The following SIKE1 variants were observed in gnomAD, a reference collection of about 807,000 sequenced individuals.
SIKE1 encodes the protein suppressor of IKBKE 1.
SIKE1 carries 13 observed loss-of-function variants against 25.8 expected under a neutral mutation model. The observed-to-expected ratio is 0.50, with a 90% CI of 0.33 to 0.80. The LOEUF (loss-of-function observed/expected upper bound fraction) is 0.80, where lower values mean the gene tolerates loss of function less well. Ranked by LOEUF, SIKE1 falls within the 30% of genes least tolerant of loss-of-function variation. SIKE1 has a pLI of 0.02. For missense variants in SIKE1, 222 were observed against 252.4 expected, an observed-to-expected ratio of 0.88 and a Z score of 0.82; for synonymous variants, 86 against 95.5, an observed-to-expected ratio of 0.90 and a Z score of 0.58.
Position 114,770,290 on chromosome 1 carries a change from G to C in SIKE1, c.*3981C>G, listed in dbSNP as rs1662031970. On this transcript the variant is annotated 3_prime_UTR_variant, in exon 5 of 5. Transcript: ENST00000060969. The stretch of plus-strand genomic sequence containing the variant: ...TGGGCACTTGTAATCCCAGCGACTT[G>C]GGAGGCTGAGGCAGGAGAATCGCTT... 6.6e-6 allele frequency: 1 copy of C among 152,640 alleles called. No homozygotes were observed. Among genetic ancestry groups the C allele is most frequent in the Admixed American group, 6.5e-5 (1 of 15,284 alleles). 9.5% of individuals were successfully genotyped at this position (152,640 alleles called of 1,614,324 possible).
chr1:114,776,930 G>C (rs1205954842), intron 3 of SIKE1, among the ~76,000 whole-genome samples: 1 of 152,182 alleles, frequency 6.6e-6, no homozygotes, highest in African/African-American at 2.4e-5. Context: ...CATAAAAAAG[G>C]ATGAGTTCAT....
At chr1:114,778,468 T>G (rs1159030098) in intron 3 of SIKE1, among the ~76,000 whole-genome samples, 1 of 152,230 alleles carries the variant, frequency 6.6e-6, no homozygotes, top group Non-Finnish European at 1.5e-5. Context: ...GAGCTTAAGT[T>G]AAATGTATAA....
chr1:114,777,867 G>T (rs1662290376), intron 3 of SIKE1, among the ~76,000 whole-genome samples: 1 of 152,128 alleles, frequency 6.6e-6, no homozygotes, highest in African/African-American at 2.4e-5. Flanking sequence ...TTGGATGTTG[G>T]ATACTATCTC....
In SIKE1 at chr1:114,769,981, C is replaced by T. The variant is rs1482297142; in HGVS notation, c.*4290G>A. On this transcript the variant is annotated 3_prime_UTR_variant, in exon 5 of 5. Transcript: ENST00000060969. ...TATATCTGCATGGCTGTTCCTAAAA[C>T]TATGCTTATTTTATCAAGCAGAGTT... 6.6e-6 allele frequency: 1 copy of T among 152,124 alleles called. No individual in the cohort carries two copies. The highest frequency in any genetic ancestry group is 2.4e-5 in the African/African-American group (1 of 41,412). The allele number at this position is 152,124 out of a possible 1,614,324, so 9.4% of individuals were successfully genotyped here. A position where few individuals can be genotyped will look rare whatever the true frequency, so the allele number is the denominator to read the frequency against.
intron 3 of SIKE1, among the ~76,000 whole-genome samples, chr1:114,776,841 G>A (rs1167954467): frequency 3.9e-5 from 6 of 152,112 alleles, no homozygotes; most frequent in African/African-American, 1.4e-4. Context: ...GCAAAGACTT[G>A]GAACCAACCC....
chr1:114,780,138 C>G lies in SIKE1; in HGVS notation c.237G>C (p.Gln79His). 6.2e-7 allele frequency: 1 copy of G among 1,613,810 alleles called. No individual in the cohort carries two copies. The highest frequency in any genetic ancestry group is 1.1e-5 in the South Asian group (1 of 91,066). The change falls in exon 2 of 5, where the codon CAG becomes CAC. Residue 79 changes from glutamine (Q) to histidine (H), a missense_variant. By Grantham distance (24) the Gln-to-His change is conservative. Transcript: ENST00000060969. ...TGTTTTCCTGTTGCAAGTCTCTAAT[C>G]TGTGTGTTCTCTTGGGACAGCAGAA... ...PHILLSQENT[Q>H]IRDLQQENRE...
At chr1:114,774,412 T>G (rs1241691938) in intron 4 of SIKE1, 40 bp from the exon 5 acceptor site, 2 of 1,369,438 alleles carry the variant, frequency 1.5e-6, no homozygotes, top group African/African-American at 2.8e-5. Flanking sequence ...GTATTTTTAC[T>G]GTCCAACTGC....
At position 114,770,582 on chromosome 1, in the gene SIKE1, G is replaced by A. The variant is rs1662042115; in HGVS notation, c.*3689C>T. The A allele has an allele frequency of 6.6e-6, 1 of 152,120 alleles. No homozygotes were observed. The highest frequency in any genetic ancestry group is 1.9e-4 in the East Asian group (1 of 5,192). The allele number at this position is 152,120 out of a possible 1,614,324, so 9.4% of individuals were successfully genotyped here. The stretch of plus-strand genomic sequence containing the variant: ...GATGTTTCTTCCTTAGCTGCAAAAG[G>A]AGGCTGAGAAAACATTACCTGGTAC... On this transcript the variant is annotated 3_prime_UTR_variant, in exon 5 of 5. Coordinates refer to ENST00000060969, the MANE Select transcript of SIKE1 (RefSeq NM_025073.3).
At chr1:114,778,847 GA>G in intron 3 of SIKE1, 1 of 377,548 alleles carries the variant, frequency 2.6e-6, no homozygotes, top group Non-Finnish European at 4.8e-6. Flanking sequence ...GCAACATGGC[GA>G]AATGTCATCT....
rs532467867 is a variant in SIKE1, at chr1:114,777,090, G to A, written c.409-631C>T. On this transcript the variant is annotated intron_variant, in intron 3 of 4. Transcript: ENST00000060969. ...CACAGGGTGGGGAACATCACACACC[G>A]GGGCCTGTCATAGGGTTGGGGGAGT... is the stretch of plus-strand genomic sequence containing the variant. Among the ~76,000 whole-genome samples the A allele has an allele frequency of 5.9e-5, 9 of 152,244 alleles. No homozygotes were observed. The South Asian group carries it at 6.2e-4, about 11-fold the overall frequency.
intron 1 of SIKE1, 78 bp downstream of exon 1, chr1:114,780,371 C>T (rs1662368066): frequency 1.9e-6 from 3 of 1,610,506 alleles, no homozygotes; most frequent in African/African-American, 2.7e-5. Flanking sequence ...AATTCCAGGC[C>T]GAGTTCCCAC....
chr1:114,779,397 T>C lies in SIKE1; in HGVS notation c.266-113A>G, dbSNP rs143576901. On this transcript the variant is annotated intron_variant, in intron 2 of 4. Transcript: ENST00000060969. ...TATAGATAATATGAATCTAAAGTTG[T>C]AAATCAATGTTTAAGTCCGCAAAAC... 1.4e-4 allele frequency: 158 copies of C among 1,131,202 alleles called. No homozygotes were observed. The East Asian group carries it at 3.1e-3, about 22-fold the overall frequency. 70.1% of individuals were successfully genotyped at this position (1,131,202 alleles called of 1,614,324 possible).
chr1:114,778,926 G>C, intron 3 of SIKE1: 2 of 566,366 alleles, frequency 3.5e-6, no homozygotes, highest in South Asian at 4.5e-5. Context: ...GCGTGGTGGT[G>C]TGCACCTGTA....
chr1:114,778,718 ACTTTT>A, intron 3 of SIKE1, among the ~76,000 whole-genome samples: 1 of 152,070 alleles, frequency 6.6e-6, no homozygotes, highest in East Asian at 1.9e-4. Context: ...AAATGAGCTT[ACTTTT>A]CTTCAAAAAC....
intron 3 of SIKE1, chr1:114,778,884 A>C (rs1570991230): frequency 2.1e-6 from 1 of 478,546 alleles, no homozygotes; most frequent in South Asian, 2.9e-5. Flanking sequence ...CAAACAAACA[A>C]ACAAACAAAC....
chr1:114,777,582 G>A (rs1281477553), intron 3 of SIKE1, among the ~76,000 whole-genome samples: 2 of 152,106 alleles, frequency 1.3e-5, no homozygotes, highest in Non-Finnish European at 2.9e-5. Context: ...AGGATCTGAT[G>A]GCTGTAATTG....
chr1:114,773,671 G>A lies in SIKE1; in HGVS notation c.*600C>T, dbSNP rs1249578021. On this transcript the variant is annotated 3_prime_UTR_variant, in exon 5 of 5. Transcript: ENST00000060969. ...AAAAAAATAGCTGACTTATTTCCAAGTGTGTTTCCTGGGACTAGCAGTAGG... is the reference window on the plus strand; with the variant it reads ...AAAAAAATAGCTGACTTATTTCCAAATGTGTTTCCTGGGACTAGCAGTAGG... 3.3e-5 allele frequency: 5 copies of A among 152,616 alleles called. No individual in the cohort carries two copies. The highest frequency in any genetic ancestry group is 9.7e-5 in the African/African-American group (4 of 41,444). 9.5% of individuals were successfully genotyped at this position (152,616 alleles called of 1,614,324 possible).
intron 4 of SIKE1, 104 bp from the exon 5 acceptor site, chr1:114,774,476 A>T: frequency 3.9e-6 from 3 of 777,390 alleles, no homozygotes; most frequent in Non-Finnish European, 4.0e-6. Context: ...TTTTAATTTT[A>T]AAAAATTTAT....
In SIKE1 at chr1:114,770,489, T is replaced by C. The variant is rs1662039629; in HGVS notation, c.*3782A>G. 1 of 152,240 alleles carries C rather than the reference T, an allele frequency of 6.6e-6. No individual in the cohort carries two copies. The highest frequency in any genetic ancestry group is 2.4e-5 in the African/African-American group (1 of 41,456). The allele number at this position is 152,240 out of a possible 1,614,324, so 9.4% of individuals were successfully genotyped here. A position where few individuals can be genotyped will look rare whatever the true frequency, so the allele number is the denominator to read the frequency against. ...GAGATGAATGCAGTAGTGTTGTTAA[T>C]CACCATCTTCAAAGGAATCTGCATG... is the stretch of plus-strand genomic sequence containing the variant. On this transcript the variant is annotated 3_prime_UTR_variant, in exon 5 of 5. Coordinates refer to ENST00000060969, the MANE Select transcript of SIKE1 (RefSeq NM_025073.3).
Sources: gnomAD v4.1 joint callset for allele counts (sites outside exome capture counted in the v4.1 genomes callset) on GRCh38, gnomAD v4.1.1 for gene constraint, MANE v1.5 for transcripts, NCBI Gene and HGNC (gene_info 2026-07-23, HGNC 2026-07-21) for gene names.